The following HEMK2 variants were observed in gnomAD, a reference collection of about 807,000 sequenced individuals.
HEMK2 encodes methyltransferase HEMK2.
the HEMK2 span, among the ~76,000 whole-genome samples, chr21:28,590,281 T>C: frequency 6.6e-6 from 1 of 152,158 alleles, no homozygotes; most frequent in Admixed American, 6.6e-5. Flanking sequence ...TTGAAGAAAC[T>C]GGACACCAGT....
chr21:28,703,749 G>A, the HEMK2 span, among the ~76,000 whole-genome samples: 15 of 152,192 alleles, frequency 9.9e-5, no homozygotes, highest in African/African-American at 3.6e-4. Context: ...GCATCCTCTG[G>A]AACAGGAAAG....
At chr21:28,822,614 C>T in the HEMK2 span, among the ~76,000 whole-genome samples, 1 of 151,772 alleles carries the variant, frequency 6.6e-6, no homozygotes, top group Admixed American at 6.6e-5. Flanking sequence ...TCCCTGAGCC[C>T]TCGTAATTGT....
At chr21:28,633,756 G>A in the HEMK2 span, among the ~76,000 whole-genome samples, 3 of 152,080 alleles carry the variant, frequency 2.0e-5, no homozygotes, top group East Asian at 1.9e-4. Context: ...AATACAATAC[G>A]AATAGTTCTC....
chr21:28,742,010 A>G, the HEMK2 span, among the ~76,000 whole-genome samples: 1 of 152,194 alleles, frequency 6.6e-6, no homozygotes, highest in Admixed American at 6.5e-5. Flanking sequence ...CAGGGAAAGC[A>G]AGCCTGGGTT....
the HEMK2 span, among the ~76,000 whole-genome samples, chr21:28,866,175 A>AAAAAAAAAAAAAAAAC: frequency 4.7e-4 from 36 of 76,228 alleles, 11 homozygotes; most frequent in Admixed American, 7.9e-4. Context: ...CAAAAAAAAA[A>AAAAAAAAAAAAAAAAC]ACACACACAC....
chr21:28,677,874 A>T, the HEMK2 span, among the ~76,000 whole-genome samples: 6 of 152,196 alleles, frequency 3.9e-5, no homozygotes. Context: ...CAGAAAGGAC[A>T]TCCACACCAA....
the HEMK2 span, among the ~76,000 whole-genome samples, chr21:28,587,743 A>G: frequency 6.6e-6 from 1 of 152,200 alleles, no homozygotes; most frequent in Admixed American, 6.5e-5. Context: ...CACTTACTAT[A>G]TAATGAAGAT....
At chr21:28,607,608 T>C in the HEMK2 span, among the ~76,000 whole-genome samples, 2 of 152,216 alleles carry the variant, frequency 1.3e-5, no homozygotes, top group Non-Finnish European at 2.9e-5. Context: ...ATCTTACTTT[T>C]TTCTTCTTTG....
the HEMK2 span, among the ~76,000 whole-genome samples, chr21:28,841,396 T>TATATATATAATATATATATTATATA: frequency 4.9e-3 from 161 of 32,932 alleles, 5 homozygotes; most frequent in Admixed American, 5.9e-3. Context: ...TATAAAATAT[T>TATATATATAATATATATATTATATA]ATATATATAA....
the HEMK2 span, among the ~76,000 whole-genome samples, chr21:28,665,015 C>T: frequency 3.9e-5 from 6 of 152,174 alleles, no homozygotes; most frequent in East Asian, 1.9e-4. Flanking sequence ...CAGTGGCTCA[C>T]GCCTATAATC....
chr21:28,756,583 T>C, the HEMK2 span, among the ~76,000 whole-genome samples: 4 of 152,200 alleles, frequency 2.6e-5, no homozygotes, highest in African/African-American at 9.7e-5. Context: ...CCTTGTGAGA[T>C]AGATATCACT....
the HEMK2 span, chr21:28,876,573 C>CA: frequency 1.3e-6 from 1 of 781,058 alleles, no homozygotes; most frequent in East Asian, 2.8e-5. Context: ...AAGTTAAACA[C>CA]AGATGATTTA....
At chr21:28,782,934 T>C in the HEMK2 span, among the ~76,000 whole-genome samples, 2 of 152,202 alleles carry the variant, frequency 1.3e-5, no homozygotes, top group South Asian at 4.1e-4. Context: ...AAATTAACAG[T>C]TGACCAGTAT....
chr21:28,603,984 T>C, the HEMK2 span, among the ~76,000 whole-genome samples: 1 of 152,192 alleles, frequency 6.6e-6, no homozygotes, highest in Non-Finnish European at 1.5e-5. Context: ...ACTCATCTGG[T>C]CCAGGCAGGC....
the HEMK2 span, among the ~76,000 whole-genome samples, chr21:28,819,291 CAA>C: frequency 0.11 from 12,201 of 108,362 alleles, 1,150 homozygotes; most frequent in African/African-American, 0.27. Context: ...TTTATTAGCT[CAA>C]AAAAAAAAAA....
chr21:28,730,149 G>A, the HEMK2 span, among the ~76,000 whole-genome samples: 30 of 152,122 alleles, frequency 2.0e-4, no homozygotes, highest in African/African-American at 6.7e-4. Context: ...ATGCAAAGGC[G>A]GGAGGATCAC....
chr21:28,879,012 T>C, the HEMK2 span, among the ~76,000 whole-genome samples: 1 of 148,382 alleles, frequency 6.7e-6, no homozygotes, highest in Middle Eastern at 3.6e-3. Flanking sequence ...AATTATATTT[T>C]AGAAATAATA....
chr21:28,825,627 A>G, the HEMK2 span, among the ~76,000 whole-genome samples: 1 of 152,212 alleles, frequency 6.6e-6, no homozygotes, highest in African/African-American at 2.4e-5. Context: ...TGTGGGTGCA[A>G]GGTGTGGTGT....
chr21:28,838,263 G>A, the HEMK2 span, among the ~76,000 whole-genome samples: 39,497 of 151,934 alleles, frequency 0.26, 5,901 homozygotes, highest in African/African-American at 0.4. Flanking sequence ...GGACGGGTGC[G>A]GTGGCTCACA....
Sources: allele counts gnomAD v4.1 joint callset (sites outside exome capture counted in the v4.1 genomes callset), GRCh38; gene constraint gnomAD v4.1.1; transcripts MANE v1.5; gene names NCBI Gene and HGNC (gene_info 2026-07-23, HGNC 2026-07-21).